Variants in NME7 observed in about 807,000 individuals in gnomAD.
NME7 encodes NME/NM23 family member 7, also known as nucleoside diphosphate kinase 7.
A neutral mutation model predicts 49.1 loss-of-function variants in NME7; 41 were observed. The ratio of observed to expected loss-of-function variants is 0.83; its 90% CI spans 0.65 to 1.08. The LOEUF is 1.08. NME7 is among the 50% of genes least tolerant of loss of function. The pLI is 0.00. For synonymous variants in NME7, 139 were observed against 150.6 expected, an observed-to-expected ratio of 0.92 and a Z score of 0.56; for missense variants, 423 against 463.4, an observed-to-expected ratio of 0.91 and a Z score of 0.80.
At chr1:169,161,911 A>G (rs1248105389) in intron 11 of NME7, among the ~76,000 whole-genome samples, 1 of 152,130 alleles carries the variant, frequency 6.6e-6, no homozygotes, top group Non-Finnish European at 1.5e-5. Flanking sequence ...TCCCCAATTG[A>G]TCCCATAGGT....
At chr1:169,293,022 A>G (rs1650568206) in intron 6 of NME7, among the ~76,000 whole-genome samples, 1 of 152,140 alleles carries the variant, frequency 6.6e-6, no homozygotes, top group Non-Finnish European at 1.5e-5. Flanking sequence ...CAGGCTGGGC[A>G]TGATGGCTTA....
At position 169,274,244 on chromosome 1, in the gene NME7, T is replaced by G. The variant is rs1274806229; in HGVS notation, c.754+13059A>C. On this transcript the variant is annotated intron_variant, in intron 7 of 11. Transcript: ENST00000367811. The stretch of plus-strand genomic sequence containing the variant: ...ATGATGAGCATTTTTTCATGTGTCT[T>G]TTGGCTGCATAAATGTCTTCTTTTG... Among the ~76,000 whole-genome samples the G allele has an allele frequency of 1.1e-4, 15 of 134,030 alleles. 2 individuals are homozygous for G. The highest frequency in any genetic ancestry group is 3.5e-4 in the African/African-American group (14 of 39,572). 87.9% of individuals were successfully genotyped at this position (134,030 alleles called of 152,430 possible).
intron 10 of NME7, among the ~76,000 whole-genome samples, chr1:169,227,691 G>C (rs1328767948): frequency 1.3e-5 from 2 of 151,880 alleles, no homozygotes; most frequent in Non-Finnish European, 2.9e-5. Context: ...TCACCATGTG[G>C]GCCTCACCAT....
At chr1:169,261,929 A>AG (rs2101864201) in intron 7 of NME7, among the ~76,000 whole-genome samples, 1 of 134,426 alleles carries the variant, frequency 7.4e-6, no homozygotes, top group East Asian at 2.0e-4. Flanking sequence ...CTACTGGTTC[A>AG]GGTTCTAGTC....
At chr1:169,325,219 G>A (rs750851341) in intron 1 of NME7, among the ~76,000 whole-genome samples, 2 of 152,078 alleles carry the variant, frequency 1.3e-5, no homozygotes, top group Non-Finnish European at 2.9e-5. Context: ...ATCCCACATT[G>A]CTACACCCTC....
At chr1:169,232,364 GAAGAA>G (rs75903162) in intron 9 of NME7, among the ~76,000 whole-genome samples, 10,584 of 151,944 alleles carry the variant, frequency 0.07, 1,449 homozygotes, top group East Asian at 0.66. Flanking sequence ...TCTCAGAAGA[GAAGAA>G]AAGGTGATAA....
In NME7 at chr1:169,235,610, A is replaced by G. The variant is rs184756362; in HGVS notation, c.820-411T>C. On this transcript the variant is annotated intron_variant, in intron 8 of 11. Coordinates refer to ENST00000367811, the MANE Select transcript of NME7 (RefSeq NM_013330.5). The stretch of plus-strand genomic sequence containing the variant: ...CTGAATAAAACCTCATTCTTGATAC[A>G]AAAGAAGATTTATATGCAATATTAA... Among the ~76,000 whole-genome samples, 279 of 152,238 alleles carry G rather than the reference A, an allele frequency of 1.8e-3. 2 individuals carry two copies. Among genetic ancestry groups the G allele is most frequent in the African/African-American group, 6.4e-3 (267 of 41,558 alleles).
At chr1:169,178,599 TC>T (rs1659832473) in intron 10 of NME7, among the ~76,000 whole-genome samples, 1 of 152,102 alleles carries the variant, frequency 6.6e-6, no homozygotes, top group African/African-American at 2.4e-5. Context: ...TGAATCGAAC[TC>T]CTTTAAAAAA....
rs150066144 is a variant in NME7, at chr1:169,207,009, T to G, written c.990+23709A>C. On this transcript the variant is annotated intron_variant, in intron 10 of 11. Transcript: ENST00000367811. ...TTGTCTTAGTCCGTTTGCATTGCTA[T>G]AAAGAAACATCTGAGGATAGGTAAT... Among the ~76,000 whole-genome samples the G allele has an allele frequency of 2.8e-3, 427 of 152,236 alleles. 11 individuals are homozygous for G. Among genetic ancestry groups the G allele is most frequent in the East Asian group, 9.3e-3 (48 of 5,164 alleles).
chr1:169,270,668 T>C (rs1229039392), intron 7 of NME7, among the ~76,000 whole-genome samples: 1 of 133,760 alleles, frequency 7.5e-6, no homozygotes, highest in Non-Finnish European at 1.8e-5. Context: ...ATCATAATAC[T>C]AACAATGTGT....
intron 11 of NME7, among the ~76,000 whole-genome samples, chr1:169,140,262 T>C (rs1032557145): frequency 2.0e-5 from 3 of 152,140 alleles, no homozygotes; most frequent in Admixed American, 1.3e-4. Context: ...TATTTCAAAA[T>C]GGAATGATAA....
chr1:169,168,100 AG>A (rs1324334032), intron 11 of NME7, among the ~76,000 whole-genome samples: 1 of 152,198 alleles, frequency 6.6e-6, no homozygotes, highest in Non-Finnish European at 1.5e-5. Flanking sequence ...ATAAGATCTC[AG>A]GAGTTGGGCA....
intron 11 of NME7, among the ~76,000 whole-genome samples, chr1:169,142,580 G>T (rs1658627123): frequency 6.6e-6 from 1 of 152,198 alleles, no homozygotes; most frequent in Admixed American, 6.5e-5. Flanking sequence ...GAGACAGTAT[G>T]GCAAACTAGA....
At chr1:169,359,760 G>C (rs1374869480) in intron 1 of NME7, among the ~76,000 whole-genome samples, 2 of 151,984 alleles carry the variant, frequency 1.3e-5, no homozygotes, top group Non-Finnish European at 2.9e-5. Flanking sequence ...CTATCAGAGA[G>C]CTCTAGAGCC....
chr1:169,210,846 T>G (rs1660791606), intron 10 of NME7, among the ~76,000 whole-genome samples: 1 of 152,186 alleles, frequency 6.6e-6, no homozygotes, highest in Non-Finnish European at 1.5e-5. Flanking sequence ...CTCTCCCGTT[T>G]CTGCTTCATT....
chr1:169,222,252 C>G (rs1477281639), intron 10 of NME7, among the ~76,000 whole-genome samples: 1 of 151,936 alleles, frequency 6.6e-6, no homozygotes, highest in East Asian at 1.9e-4. Context: ...GCTTGGTGCC[C>G]TGTGAGGAGA....
chr1:169,318,610 A>G (rs1651742042), intron 3 of NME7, among the ~76,000 whole-genome samples: 1 of 152,222 alleles, frequency 6.6e-6, no homozygotes, highest in Non-Finnish European at 1.5e-5. Context: ...TTGTCAATTA[A>G]TTCAATTTTG....
rs946584354 is a variant in NME7 at position 169,270,997 on chromosome 1, C to T, written c.754+16306G>A. Among the ~76,000 whole-genome samples, 8 of 133,616 alleles carry T rather than the reference C, an allele frequency of 6.0e-5. 2 individuals carry two copies. 87.7% of individuals were successfully genotyped at this position (133,616 alleles called of 152,430 possible). Reference sequence around the variant, plus strand: ...TGCATAATTTTTAAAGTAAAAAGAACACAAGAACATTCACCTTGTTTTTCT... The same window carrying T: ...TGCATAATTTTTAAAGTAAAAAGAATACAAGAACATTCACCTTGTTTTTCT... On this transcript the variant is annotated intron_variant, in intron 7 of 11. Transcript: ENST00000367811.
At chr1:169,364,179 G>A (rs1363668242) in intron 1 of NME7, among the ~76,000 whole-genome samples, 1 of 152,094 alleles carries the variant, frequency 6.6e-6, no homozygotes, top group Non-Finnish European at 1.5e-5. Flanking sequence ...ATATGATCTA[G>A]GCAATACTGT....
Sources: gnomAD v4.1 joint callset for allele counts (sites outside exome capture counted in the v4.1 genomes callset) on GRCh38, gnomAD v4.1.1 for gene constraint, MANE v1.5 for transcripts, NCBI Gene and HGNC (gene_info 2026-07-23, HGNC 2026-07-21) for gene names.